Variants in RSBN1 observed in about 807,000 individuals in gnomAD.
RSBN1 encodes the protein round spermatid basic protein 1.
In RSBN1, 23 loss-of-function variants were observed where a neutral mutation model predicts 74.8. The observed-to-expected ratio is 0.31, with a 90% confidence interval of 0.22 to 0.44. The LOEUF (loss-of-function observed/expected upper bound fraction) is 0.44, where lower values mean the gene tolerates loss of function less well. Among genes scored for constraint, RSBN1 ranks in the 20% least tolerant of loss-of-function variants. RSBN1 has a pLI of 1.00. For synonymous variants in RSBN1, 407 were observed against 379.6 expected, an observed-to-expected ratio of 1.07 and a Z score of -0.84; for missense variants, 808 against 1,020.9, an observed-to-expected ratio of 0.79 and a Z score of 2.84.
intron 2 of RSBN1, among the ~76,000 whole-genome samples, chr1:113,785,321 T>C (rs930255372): frequency 6.6e-6 from 1 of 152,198 alleles, no homozygotes; most frequent in Non-Finnish European, 1.5e-5. Context: ...CCTTCTTCTG[T>C]AATATCTCCT....
chr1:113,812,359 G>A lies in RSBN1; in HGVS notation c.54C>T (p.Leu18=), dbSNP rs773245316. 5.1e-5 allele frequency: 82 copies of A among 1,603,292 alleles called. No homozygotes were observed. The highest frequency in any genetic ancestry group is 1.2e-4 in the Admixed American group (7 of 59,936). The change falls in exon 1 of 7, where the codon CTC becomes CTT. Residue 18 remains leucine (L), a synonymous_variant. Coordinates refer to ENST00000261441, the MANE Select transcript of RSBN1 (RefSeq NM_018364.5). ...TADKWRAEER[L]QCPAGSARAA... is the part of the protein sequence containing the mutation. ...CCCGCGCACTGCCCGCTGGGCATTG[G>A]AGTCTCTCCTCCGCCCTCCACTTGT...
At position 113,766,463 on chromosome 1, in the gene RSBN1, G is replaced by A. The variant is rs759400434; in HGVS notation, c.1936-10C>T. 2.6e-6 allele frequency: 4 copies of A among 1,548,484 alleles called. No individual in the cohort carries two copies. The highest frequency in any genetic ancestry group is 1.9e-5 in the Admixed American group (1 of 52,264). ...CTACCCACTGTACGCACTGAAGAAA[G>A]AAAAAAGTTACGTGAGACTTTAAAA... On this transcript the variant is annotated splice_polypyrimidine_tract_variant and intron_variant, in intron 6 of 6. Coordinates refer to ENST00000261441, the MANE Select transcript of RSBN1 (RefSeq NM_018364.5).
At chr1:113,772,672 C>T (rs890368833) in intron 4 of RSBN1, among the ~76,000 whole-genome samples, 1 of 152,106 alleles carries the variant, frequency 6.6e-6, no homozygotes, top group Non-Finnish European at 1.5e-5. Context: ...TTCACTAACA[C>T]AAAAAGATGG....
chr1:113,798,046 A>G lies in RSBN1; in HGVS notation c.704-10T>C, dbSNP rs1359327150. ...TTTTCATCTGGTGTTTCTGGCCACA[A>G]TAATTAAAAAGAAGTTAGTTGCTAG... On this transcript the variant is annotated splice_polypyrimidine_tract_variant and intron_variant, in intron 1 of 6. Transcript: ENST00000261441. 3.8e-6 allele frequency: 6 copies of G among 1,585,436 alleles called. No individual in the cohort carries two copies. The highest frequency in any genetic ancestry group is 2.7e-5 in the African/African-American group (2 of 72,796).
At chr1:113,800,390 G>T (rs1033554073) in intron 1 of RSBN1, among the ~76,000 whole-genome samples, 2 of 151,858 alleles carry the variant, frequency 1.3e-5, no homozygotes, top group Non-Finnish European at 2.9e-5. Flanking sequence ...TATTTGGTAA[G>T]AAGTATACTT....
intron 1 of RSBN1, among the ~76,000 whole-genome samples, chr1:113,800,673 T>G (rs1660564534): frequency 6.6e-6 from 1 of 152,168 alleles, no homozygotes; most frequent in Non-Finnish European, 1.5e-5. Flanking sequence ...CCACTGAAAT[T>G]AGCACCAAGA....
intron 1 of RSBN1, among the ~76,000 whole-genome samples, chr1:113,810,027 C>T (rs1161848460): frequency 4.6e-5 from 7 of 152,118 alleles, no homozygotes; most frequent in Non-Finnish European, 1.0e-4. Context: ...CATGTTATTG[C>T]CACTATCCCC....
chr1:113,764,587 T>A lies in RSBN1; in HGVS notation c.*1393A>T, dbSNP rs1659744346. On this transcript the variant is annotated 3_prime_UTR_variant, in exon 7 of 7. Coordinates refer to ENST00000261441, the MANE Select transcript of RSBN1 (RefSeq NM_018364.5). ...AAAAGATGCAGCTAAGTTTTCATGGTGACAGACATAATAAAGCAGCATCTT... is the reference window on the plus strand; with the variant it reads ...AAAAGATGCAGCTAAGTTTTCATGGAGACAGACATAATAAAGCAGCATCTT... The A allele has an allele frequency of 6.6e-6, 1 of 151,624 alleles. No individual in the cohort carries two copies. Among genetic ancestry groups the A allele is most frequent in the African/African-American group, 2.4e-5 (1 of 41,086 alleles). 9.4% of individuals were successfully genotyped at this position (151,624 alleles called of 1,614,324 possible).
At chr1:113,767,887 T>C (rs1372373560) in intron 5 of RSBN1, 1 of 184,236 alleles carries the variant, frequency 5.4e-6, no homozygotes, top group African/African-American at 2.4e-5. Context: ...ATAAACACTA[T>C]ATGATTCCAT....
At chr1:113,767,259 G>A in intron 5 of RSBN1, 52 bp from the exon 6 acceptor site, 1 of 1,057,474 alleles carries the variant, frequency 9.5e-7, no homozygotes, top group Non-Finnish European at 1.4e-6. Context: ...AATGAAAAAT[G>A]ATGACAAATT....
rs36052758 is a variant in RSBN1 at position 113,768,335 on chromosome 1, G to A, written c.1713C>T (p.Arg571=). 5.0e-4 allele frequency: 805 copies of A among 1,612,394 alleles called. 2 individuals carry two copies. In the African/African-American group the frequency reaches 9.1e-3, roughly 18 times the overall value. The change falls in exon 5 of 7, where the codon CGC becomes CGT. Residue 571 remains arginine (R), a synonymous_variant. Transcript: ENST00000261441. ...TAGTCCTATCTTCAAAGAGAACTTC[G>A]CGGGGTTCACTGGTCCGAGGTAGGT... ...LQYLPRTSEP[R]EVLFEDRTRA...
At position 113,809,048 on chromosome 1, in the gene RSBN1, TA is replaced by T. The variant is rs777487062; in HGVS notation, c.703+2661del. 4.8e-3 allele frequency among the ~76,000 whole-genome samples: 688 copies of T among 142,882 alleles called. 8 individuals carry two copies. The highest frequency in any genetic ancestry group is 0.015 in the African/African-American group (590 of 39,166). 93.7% of individuals were successfully genotyped at this position (142,882 alleles called of 152,430 possible). On this transcript the variant is annotated intron_variant, in intron 1 of 6. Coordinates refer to ENST00000261441, the MANE Select transcript of RSBN1 (RefSeq NM_018364.5). ...AATTTCCTGTGAATCATTAATTATC[TA>T]AAAAAAAAAAACAGTTAAAATAGTT...
chr1:113,812,221 C>A lies in RSBN1; in HGVS notation c.192G>T (p.Ala64=), dbSNP rs145084242. Reference sequence around the variant, plus strand: ...TCCCCTCTTTGTCCGGCTCCTCCTGCGCCGCCACCGCCCGTACTACGCGCA... The same window carrying A: ...TCCCCTCTTTGTCCGGCTCCTCCTGAGCCGCCACCGCCCGTACTACGCGCA... The part of the protein sequence containing the change: ...GAVRVVRAVA[A]QEEPDKEGKE... The change falls in exon 1 of 7, where the codon GCG becomes GCT. Residue 64 remains alanine, a synonymous_variant. Transcript: ENST00000261441. The A allele has an allele frequency of 1.7e-3, 2,690 of 1,607,002 alleles. 28 individuals carry two copies. The highest frequency in any genetic ancestry group is 0.013 in the South Asian group (1,199 of 91,080).
At chr1:113,767,024 G>A in intron 6 of RSBN1, 75 bp downstream of exon 6, 2 of 776,642 alleles carry the variant, frequency 2.6e-6, no homozygotes, top group Non-Finnish European at 4.1e-6. Flanking sequence ...CAGACTGTAA[G>A]ATAAAATTCA....
intron 4 of RSBN1, among the ~76,000 whole-genome samples, chr1:113,774,321 T>C (rs955216170): frequency 6.6e-5 from 10 of 151,862 alleles, no homozygotes; most frequent in African/African-American, 1.9e-4. Context: ...ATTGAAAACC[T>C]GGGAAAAAAT....
At chr1:113,784,733 C>G (rs554053418) in intron 2 of RSBN1, among the ~76,000 whole-genome samples, 1 of 152,350 alleles carries the variant, frequency 6.6e-6, no homozygotes, top group Non-Finnish European at 1.5e-5. Context: ...CAGACCAGTA[C>G]TGGGGGACCA....
At chr1:113,810,521 C>A (rs1660808998) in intron 1 of RSBN1, among the ~76,000 whole-genome samples, 1 of 152,106 alleles carries the variant, frequency 6.6e-6, no homozygotes, top group Non-Finnish European at 1.5e-5. Flanking sequence ...AAGTTCTACT[C>A]CCAAGATTTG....
At chr1:113,797,161 G>A (rs938292229) in intron 2 of RSBN1, among the ~76,000 whole-genome samples, 1 of 152,108 alleles carries the variant, frequency 6.6e-6, no homozygotes, top group Non-Finnish European at 1.5e-5. Context: ...CATGTATAAA[G>A]CATTCCCTCC....
At chr1:113,799,611 C>CACAG (rs1660541462) in intron 1 of RSBN1, among the ~76,000 whole-genome samples, 1 of 134,682 alleles carries the variant, frequency 7.4e-6, no homozygotes, top group Admixed American at 7.2e-5. Flanking sequence ...CACACACACA[C>CACAG]AGAAAAATAT....
Sources: allele counts gnomAD v4.1 joint callset (sites outside exome capture counted in the v4.1 genomes callset), GRCh38; gene constraint gnomAD v4.1.1; transcripts MANE v1.5; gene names NCBI Gene and HGNC (gene_info 2026-07-23, HGNC 2026-07-21).